RNF168: variants seen among roughly 807,000 people sequenced by gnomAD.
The protein encoded by RNF168 is ring finger protein 168.
RNF168 carries 34 observed loss-of-function variants against 34.9 expected under a neutral mutation model. The ratio of observed to expected loss-of-function variants is 0.97; its 90% confidence interval spans 0.74 to 1.30. RNF168 has a LOEUF of 1.30. Ranked by LOEUF, RNF168 falls within the 50% of genes most tolerant of loss-of-function variation. RNF168 has a pLI of 0.00. For synonymous variants in RNF168, 264 were observed against 254.7 expected (o/e 1.04, Z -0.35); for missense variants, 725 against 682.5 (o/e 1.06, Z -0.69).
chr3:196,497,023 G>GT (rs1270779365), intron 1 of RNF168, among the ~76,000 whole-genome samples: 2 of 152,100 alleles, frequency 1.3e-5, no homozygotes, highest in African/African-American at 4.8e-5. Flanking sequence ...GTACATGCCT[G>GT]TAATCGCAGC....
In RNF168 at chr3:196,475,238, A is replaced by AC. The variant is rs1491476179; in HGVS notation, c.754dup (p.Val252GlyfsTer3). The AC allele has an allele frequency of 6.3e-7, 1 of 1,585,794 alleles. No individual in the cohort carries two copies. Among genetic ancestry groups the AC allele is most frequent in the African/African-American group, 1.3e-5 (1 of 74,378 alleles). On this transcript the variant is annotated frameshift_variant, in exon 5 of 6. Coordinates refer to ENST00000318037, the MANE Select transcript of RNF168 (RefSeq NM_152617.4). LOFTEE classifies it low-confidence loss of function (END_TRUNC). ...TCTTCAGTATCAACATACCTTAGAT[A>AC]CGGAGTCTTTCCTGACTTCTTGTAC...
intron 1 of RNF168, among the ~76,000 whole-genome samples, chr3:196,493,818 A>T (rs1392853979): frequency 6.7e-6 from 1 of 150,126 alleles, no homozygotes; most frequent in Non-Finnish European, 1.5e-5. Context: ...CACCGTGCCC[A>T]GCCTTCCATT....
intron 3 of RNF168, among the ~76,000 whole-genome samples, chr3:196,485,247 C>T (rs1732394215): frequency 6.6e-6 from 1 of 152,146 alleles, no homozygotes; most frequent in East Asian, 1.9e-4. Context: ...GTGGTTCATG[C>T]CTGTAATCCC....
At chr3:196,484,233 C>T (rs1230071845) in intron 3 of RNF168, among the ~76,000 whole-genome samples, 2 of 134,196 alleles carry the variant, frequency 1.5e-5, no homozygotes, top group African/African-American at 2.9e-5. Flanking sequence ...TGCAGTGGCG[C>T]GATCTCGGCT....
At chr3:196,482,502 A>C (rs1228095462) in intron 4 of RNF168, among the ~76,000 whole-genome samples, 1 of 152,204 alleles carries the variant, frequency 6.6e-6, no homozygotes, top group Non-Finnish European at 1.5e-5. Flanking sequence ...ATTCCGTTTA[A>C]CTTTTCAAGG....
At chr3:196,491,976 G>A (rs1448510071) in intron 1 of RNF168, among the ~76,000 whole-genome samples, 1 of 152,160 alleles carries the variant, frequency 6.6e-6, no homozygotes, top group African/African-American at 2.4e-5. Flanking sequence ...CCAGCAGCCA[G>A]GGGAGGGGTG....
At chr3:196,479,916 T>A (rs1188546066) in intron 4 of RNF168, among the ~76,000 whole-genome samples, 2 of 152,130 alleles carry the variant, frequency 1.3e-5, no homozygotes, top group Non-Finnish European at 2.9e-5. Context: ...TTCACTAATG[T>A]CTTAAGATCT....
intron 1 of RNF168, among the ~76,000 whole-genome samples, chr3:196,498,317 C>T (rs951275165): frequency 1.2e-4 from 19 of 152,042 alleles, no homozygotes; most frequent in South Asian, 6.2e-4. Context: ...CCACCACACC[C>T]GGCTAATTTT....
At position 196,469,515 on chromosome 3, in the gene RNF168, G is replaced by A. The variant is rs1264545004; in HGVS notation, c.*2304C>T. 3 of 152,106 alleles carry A rather than the reference G, an allele frequency of 2.0e-5. No individual in the cohort carries two copies. The highest frequency in any genetic ancestry group is 4.4e-5 in the Non-Finnish European group (3 of 68,028). 9.4% of individuals were successfully genotyped at this position (152,106 alleles called of 1,614,324 possible). On this transcript the variant is annotated 3_prime_UTR_variant, in exon 6 of 6. Transcript: ENST00000318037. ...TACTGGCAAATTTAAGCTAGAATTA[G>A]CTCCAGGACATTTTATCTTATTTTC... is the stretch of plus-strand genomic sequence containing the variant.
intron 1 of RNF168, among the ~76,000 whole-genome samples, chr3:196,493,998 G>A (rs1308170869): frequency 1.3e-5 from 2 of 150,772 alleles, no homozygotes; most frequent in East Asian, 1.9e-4. Flanking sequence ...GACTACAGGC[G>A]CCCACCACCA....
Position 196,503,492 on chromosome 3 carries a change from G to A in RNF168, c.-319C>T, listed in dbSNP as rs958230411. ...GAACACCGCGGCTGCGGCTCCCGGG[G>A]CAGCGAGGGGAACGCGCCAAGTCCT... On this transcript the variant is annotated 5_prime_UTR_variant, in exon 1 of 6. Transcript: ENST00000318037. The A allele has an allele frequency of 1.8e-5, 7 of 393,302 alleles. No individual in the cohort carries two copies. Among genetic ancestry groups the A allele is most frequent in the South Asian group, 4.4e-5 (2 of 45,746 alleles). 24.4% of individuals were successfully genotyped at this position (393,302 alleles called of 1,614,324 possible).
Position 196,472,558 on chromosome 3 carries a change from CAT to C in RNF168, c.975_976del (p.Val327LeufsTer7). 1 of 1,614,228 alleles carries C rather than the reference CAT, an allele frequency of 6.2e-7. No homozygotes were observed. On this transcript the variant is annotated frameshift_variant, in exon 6 of 6. Coordinates refer to ENST00000318037, the MANE Select transcript of RNF168 (RefSeq NM_152617.4). LOFTEE classifies it low-confidence loss of function (END_TRUNC). ...TTTAGGTCGCTCGTGACTTAAGACA[CAT>C]AACTCTTTCCCATGATTGCTTGGTC...
At chr3:196,486,585 C>T (rs1732429391) in intron 3 of RNF168, among the ~76,000 whole-genome samples, 2 of 152,228 alleles carry the variant, frequency 1.3e-5, no homozygotes, top group Admixed American at 6.5e-5. Context: ...CCTCTCGCCT[C>T]AGCTTCCCAA....
chr3:196,490,886 T>G (rs573475691), intron 1 of RNF168, among the ~76,000 whole-genome samples: 1 of 152,306 alleles, frequency 6.6e-6, no homozygotes, highest in Non-Finnish European at 1.5e-5. Flanking sequence ...TAAGGCTCCT[T>G]AAAAAGTAGA....
At chr3:196,494,378 A>G (rs1321633231) in intron 1 of RNF168, among the ~76,000 whole-genome samples, 1 of 152,198 alleles carries the variant, frequency 6.6e-6, no homozygotes, top group African/African-American at 2.4e-5. Context: ...GCCAGGACTC[A>G]TTTAAGGAAA....
intron 4 of RNF168, among the ~76,000 whole-genome samples, chr3:196,478,839 G>T (rs1486615882): frequency 6.7e-6 from 1 of 148,502 alleles, no homozygotes; most frequent in African/African-American, 2.5e-5. Context: ...GCGAATTTTT[G>T]TATTTTTGGT....
intron 1 of RNF168, among the ~76,000 whole-genome samples, chr3:196,494,918 G>T (rs1427265863): frequency 6.6e-6 from 1 of 152,158 alleles, no homozygotes; most frequent in African/African-American, 2.4e-5. Context: ...AGCTACTCAG[G>T]AGGTTGAGGT....
At chr3:196,493,530 T>C (rs1732646891) in intron 1 of RNF168, among the ~76,000 whole-genome samples, 1 of 152,038 alleles carries the variant, frequency 6.6e-6, no homozygotes, top group Non-Finnish European at 1.5e-5. Flanking sequence ...CATTTGCTAT[T>C]TCTTTTTCTT....
chr3:196,496,732 G>A (rs1037913257), intron 1 of RNF168, among the ~76,000 whole-genome samples: 2 of 152,196 alleles, frequency 1.3e-5, no homozygotes, highest in African/African-American at 4.8e-5. Flanking sequence ...GGCTGGGTGT[G>A]GCGGTTCAGG....
Sources: allele counts gnomAD v4.1 joint callset (sites outside exome capture counted in the v4.1 genomes callset), GRCh38; gene constraint gnomAD v4.1.1; transcripts MANE v1.5; gene names NCBI Gene and HGNC (gene_info 2026-07-23, HGNC 2026-07-21).